The following OPCML variants were observed in gnomAD, a reference collection of about 807,000 sequenced individuals.
OPCML encodes the protein opioid-binding protein/cell adhesion molecule.
OPCML carries 13 observed loss-of-function variants against 37.8 expected under a neutral mutation model. The observed-to-expected ratio is 0.34, with a 90% CI of 0.22 to 0.55. OPCML has a LOEUF of 0.55. Among genes scored for constraint, OPCML ranks in the 20% least tolerant of loss-of-function variants. OPCML has a pLI of 0.91. For synonymous variants in OPCML, 176 were observed against 168.8 expected (o/e 1.04, Z -0.33); for missense variants, 341 against 435.6 (o/e 0.78, Z 1.93).
chr11:132,628,208 A>G (rs1939863383), intron 3 of OPCML, among the ~76,000 whole-genome samples: 1 of 152,172 alleles, frequency 6.6e-6, no homozygotes, highest in African/African-American at 2.4e-5. Context: ...GAAGAGAGCC[A>G]TGAACAGAGA....
chr11:132,722,007 G>A (rs566584252), intron 2 of OPCML, among the ~76,000 whole-genome samples: 183 of 131,592 alleles, frequency 1.4e-3, no homozygotes, highest in African/African-American at 4.9e-3. Flanking sequence ...CCAGGCTGGA[G>A]TGCAGTGGAG....
chr11:133,491,800 G>A (rs964537656), intron 1 of OPCML, among the ~76,000 whole-genome samples: 3 of 152,144 alleles, frequency 2.0e-5, no homozygotes, highest in African/African-American at 7.2e-5. Flanking sequence ...TTACCATTCA[G>A]TTAGCAGAGC....
intron 1 of OPCML, among the ~76,000 whole-genome samples, chr11:133,226,551 T>A (rs1307015501): frequency 6.6e-6 from 1 of 152,236 alleles, no homozygotes. Flanking sequence ...CCTGAAGGCA[T>A]CTCTTCCTGT....
intron 1 of OPCML, among the ~76,000 whole-genome samples, chr11:133,384,854 G>A (rs1178247832): frequency 6.6e-6 from 1 of 152,246 alleles, no homozygotes; most frequent in East Asian, 1.9e-4. Flanking sequence ...TAGGCAGATG[G>A]CTGGACATGA....
At chr11:133,145,544 G>A (rs1366396752) in intron 1 of OPCML, among the ~76,000 whole-genome samples, 1 of 152,214 alleles carries the variant, frequency 6.6e-6, no homozygotes, top group African/African-American at 2.4e-5. Context: ...AACTTCAAAT[G>A]TGAGGCTTAA....
chr11:133,009,475 C>T (rs935584819), intron 1 of OPCML, among the ~76,000 whole-genome samples: 1 of 152,142 alleles, frequency 6.6e-6, no homozygotes, highest in African/African-American at 2.4e-5. Flanking sequence ...GTTCAAAGAA[C>T]CTAGGCAGTT....
At chr11:133,277,021 C>G (rs368479045) in intron 1 of OPCML, among the ~76,000 whole-genome samples, 1 of 152,168 alleles carries the variant, frequency 6.6e-6, no homozygotes, top group African/African-American at 2.4e-5. Flanking sequence ...GACTCTTTTA[C>G]GTTAGCCACA....
At chr11:133,263,715 C>A (rs1941563107) in intron 1 of OPCML, among the ~76,000 whole-genome samples, 1 of 152,140 alleles carries the variant, frequency 6.6e-6, no homozygotes, top group Non-Finnish European at 1.5e-5. Context: ...GGGTGTGACA[C>A]AAGGACAGAA....
intron 1 of OPCML, among the ~76,000 whole-genome samples, chr11:133,430,530 G>C (rs1946095085): frequency 6.6e-6 from 1 of 151,994 alleles, no homozygotes; most frequent in Non-Finnish European, 1.5e-5. Flanking sequence ...GATAATCTAA[G>C]CACAACAGAA....
At chr11:132,534,059 T>C (rs889493391) in intron 3 of OPCML, among the ~76,000 whole-genome samples, 1 of 152,164 alleles carries the variant, frequency 6.6e-6, no homozygotes, top group African/African-American at 2.4e-5. Flanking sequence ...TTTTAATGTG[T>C]CAAGTGTTTC....
chr11:133,072,712 G>A (rs57254119), intron 1 of OPCML, among the ~76,000 whole-genome samples: 7,043 of 152,342 alleles, frequency 0.046, 197 homozygotes, highest in Middle Eastern at 0.13. Context: ...GGAGGGGACA[G>A]ACAGTGAGTG....
intron 2 of OPCML, among the ~76,000 whole-genome samples, chr11:132,713,580 T>C (rs1480054054): frequency 3.3e-5 from 5 of 152,204 alleles, no homozygotes; most frequent in Non-Finnish European, 7.3e-5. Flanking sequence ...AAGTCTCCTA[T>C]CCCAAAACAA....
intron 1 of OPCML, among the ~76,000 whole-genome samples, chr11:133,000,294 A>G (rs1946974691): frequency 6.6e-6 from 1 of 151,810 alleles, no homozygotes; most frequent in South Asian, 2.1e-4. Context: ...TGTATTTTTA[A>G]TAGAGACGGG....
At chr11:133,458,425 T>C (rs1385833035) in intron 1 of OPCML, among the ~76,000 whole-genome samples, 11 of 94,732 alleles carry the variant, frequency 1.2e-4, no homozygotes, top group Non-Finnish European at 1.2e-4. Flanking sequence ...TGTATATATA[T>C]ACACATATAT....
intron 2 of OPCML, among the ~76,000 whole-genome samples, chr11:132,716,376 GTCTA>G (rs956834775): frequency 1.0e-4 from 15 of 150,380 alleles, no homozygotes; most frequent in East Asian, 6.0e-4. Context: ...TTGTCTGTCT[GTCTA>G]TCTGTCTATT....
intron 3 of OPCML, among the ~76,000 whole-genome samples, chr11:132,567,053 C>G (rs2137539496): frequency 6.6e-6 from 1 of 151,162 alleles, no homozygotes; most frequent in East Asian, 1.9e-4. Flanking sequence ...TATAGGATGA[C>G]AGTATAGATT....
chr11:132,515,526 T>A (rs2096277745), intron 4 of OPCML, among the ~76,000 whole-genome samples: 1 of 152,200 alleles, frequency 6.6e-6, no homozygotes, highest in Non-Finnish European at 1.5e-5. Flanking sequence ...AGGTTCGAAG[T>A]GAAAATCAAC....
chr11:132,950,108 A>T (rs1367967597), intron 1 of OPCML, among the ~76,000 whole-genome samples: 5 of 152,198 alleles, frequency 3.3e-5, no homozygotes, highest in African/African-American at 9.7e-5. Flanking sequence ...GGTCACAGTA[A>T]CTGTTTTGGA....
intron 1 of OPCML, among the ~76,000 whole-genome samples, chr11:133,059,014 C>T (rs1420404984): frequency 6.6e-6 from 1 of 152,190 alleles, no homozygotes. Flanking sequence ...CTTATGGTAA[C>T]TTTGCAAGGA....
Sources: gnomAD v4.1 joint callset for allele counts (sites outside exome capture counted in the v4.1 genomes callset) on GRCh38, gnomAD v4.1.1 for gene constraint, MANE v1.5 for transcripts, NCBI Gene and HGNC (gene_info 2026-07-23, HGNC 2026-07-21) for gene names.